The following SPDYE10 variants were observed in gnomAD, a reference collection of about 807,000 sequenced individuals.
The protein encoded by SPDYE10 is speedy protein E10.
At chr7:73,142,632 C>T in the SPDYE10 span, among the ~76,000 whole-genome samples, 1 of 152,100 alleles carries the variant, frequency 6.6e-6, no homozygotes, top group South Asian at 2.1e-4. Flanking sequence ...GCAGAACTGT[C>T]CTGATAAGAA....
At chr7:73,150,650 T>G in the SPDYE10 span, among the ~76,000 whole-genome samples, 7 of 150,268 alleles carry the variant, frequency 4.7e-5, no homozygotes, top group South Asian at 2.1e-4. Context: ...TTGACCCTGG[T>G]AGGAGGAGGT....
the SPDYE10 span, among the ~76,000 whole-genome samples, chr7:73,123,978 G>A: frequency 6.6e-5 from 10 of 150,962 alleles, no homozygotes; most frequent in Admixed American, 3.3e-4. Flanking sequence ...GGGTTTCGCC[G>A]TGTTGCCCAG....
At chr7:73,123,489 G>A in the SPDYE10 span, among the ~76,000 whole-genome samples, 1 of 152,208 alleles carries the variant, frequency 6.6e-6, no homozygotes, top group Non-Finnish European at 1.5e-5. Context: ...TTTTTTAGAT[G>A]GAGTTTTGCT....
chr7:73,152,255 T>G, the SPDYE10 span, among the ~76,000 whole-genome samples: 1 of 138,510 alleles, frequency 7.2e-6, no homozygotes, highest in Admixed American at 7.1e-5. Flanking sequence ...CCTTGTGATC[T>G]GCCTGCTTTG....
chr7:73,123,553 G>A, the SPDYE10 span, among the ~76,000 whole-genome samples: 21 of 152,174 alleles, frequency 1.4e-4, no homozygotes, highest in Non-Finnish European at 2.9e-4. Context: ...TGCAACCTCC[G>A]CCTCCCAGAT....
the SPDYE10 span, among the ~76,000 whole-genome samples, chr7:73,144,968 C>T: frequency 7.0e-5 from 5 of 71,106 alleles, no homozygotes; most frequent in Non-Finnish European, 9.4e-5. Context: ...GATTGTGCTA[C>T]GGCACTCCAG....
chr7:73,123,429 AC>A, the SPDYE10 span, among the ~76,000 whole-genome samples: 8 of 152,310 alleles, frequency 5.3e-5, no homozygotes, highest in East Asian at 1.5e-3. Flanking sequence ...CACACTGGTA[AC>A]TGGTAACTTC....
chr7:73,155,208 C>T, the SPDYE10 span: 1 of 201,544 alleles, frequency 5.0e-6, no homozygotes, highest in Non-Finnish European at 9.4e-6. Context: ...GATGAGCCGC[C>T]GCGGACGGGG....
the SPDYE10 span, among the ~76,000 whole-genome samples, chr7:73,116,893 A>G: frequency 6.9e-6 from 1 of 144,238 alleles, no homozygotes. Context: ...AGCCTAACAG[A>G]TTTGTTTTTT....
the SPDYE10 span, among the ~76,000 whole-genome samples, chr7:73,121,451 G>GT: frequency 4.4e-4 from 1 of 2,298 alleles, no homozygotes; most frequent in Admixed American, 2.6e-3. Flanking sequence ...TTTTTTAGAG[G>GT]TGGAGTCTCA....
chr7:73,154,900 A>G, the SPDYE10 span: 2 of 156,022 alleles, frequency 1.3e-5, no homozygotes, highest in South Asian at 2.9e-4. Flanking sequence ...GCGCATGCGC[A>G]GCGGGGACCG....
At chr7:73,126,889 A>C in the SPDYE10 span, among the ~76,000 whole-genome samples, 1 of 148,416 alleles carries the variant, frequency 6.7e-6, no homozygotes, top group Admixed American at 6.7e-5. Flanking sequence ...CCAGGATGGA[A>C]ATCTTTATTG....
chr7:73,113,843 G>T, the SPDYE10 span, among the ~76,000 whole-genome samples: 6 of 151,902 alleles, frequency 3.9e-5, no homozygotes, highest in Admixed American at 1.3e-4. Context: ...AGACCATCCT[G>T]GCTAACACCC....
the SPDYE10 span, among the ~76,000 whole-genome samples, chr7:73,141,068 T>TA: frequency 2.6e-5 from 3 of 113,844 alleles, no homozygotes; most frequent in African/African-American, 6.3e-5. Flanking sequence ...ACTCCATTTC[T>TA]ACCACACACA....
At chr7:73,113,828 G>C in the SPDYE10 span, among the ~76,000 whole-genome samples, 1 of 151,960 alleles carries the variant, frequency 6.6e-6, no homozygotes, top group African/African-American at 2.4e-5. Context: ...GAGATCAGGA[G>C]ATCGAGACCA....
chr7:73,123,788 C>CCTCTCTCTCCCTCTCTCTCTCTCTCT, the SPDYE10 span, among the ~76,000 whole-genome samples: 4 of 97,452 alleles, frequency 4.1e-5, no homozygotes, highest in African/African-American at 1.5e-4. Context: ...TCTCTCTCTC[C>CCTCTCTCTCCCTCTCTCTCTCTCTCT]CTCTCTCTCT....
the SPDYE10 span, among the ~76,000 whole-genome samples, chr7:73,151,945 A>C: frequency 6.7e-6 from 1 of 149,754 alleles, no homozygotes; most frequent in African/African-American, 2.5e-5. Flanking sequence ...AAGTCAGAAA[A>C]CTAGCCAAAT....
the SPDYE10 span, among the ~76,000 whole-genome samples, chr7:73,139,596 C>CAG: frequency 1.3e-5 from 2 of 149,272 alleles, no homozygotes; most frequent in Non-Finnish European, 3.0e-5. Flanking sequence ...GCTGAGATTA[C>CAG]AGGCATGAGC....
chr7:73,145,053 G>C, the SPDYE10 span, among the ~76,000 whole-genome samples: 16 of 131,336 alleles, frequency 1.2e-4, 1 homozygote, highest in Non-Finnish European at 2.3e-4. Flanking sequence ...ATAATGTCAT[G>C]TCCTATTTTC....
Sources: gnomAD v4.1 joint callset for allele counts (sites outside exome capture counted in the v4.1 genomes callset) on GRCh38, gnomAD v4.1.1 for gene constraint, MANE v1.5 for transcripts, NCBI Gene and HGNC (gene_info 2026-07-23, HGNC 2026-07-21) for gene names.